The following NAA35 variants were observed in gnomAD, a reference collection of about 807,000 sequenced individuals.
NAA35 encodes N-alpha-acetyltransferase 35, NatC auxiliary subunit, also known as MAK10 homolog, amino-acid N-acetyltransferase subunit.
NAA35 carries 18 observed loss-of-function variants against 101.7 expected under a neutral mutation model. The observed-to-expected ratio is 0.18, with a 90% CI of 0.12 to 0.26. NAA35 has a LOEUF of 0.26. Among genes scored for constraint, NAA35 ranks in the 10% least tolerant of loss-of-function variants. The probability of loss-of-function intolerance (pLI) is 1.00; values close to 1 mark genes in which losing one functional copy is unlikely to be tolerated. For missense variants in NAA35, 601 were observed against 886.8 expected, an observed-to-expected ratio of 0.68 and a Z score of 4.09; for synonymous variants, 267 against 273.1, an observed-to-expected ratio of 0.98 and a Z score of 0.22.
At chr9:86,017,460 A>G in intron 18 of NAA35, 38 bp from the exon 19 acceptor site, 1 of 1,591,282 alleles carries the variant, frequency 6.3e-7, no homozygotes, top group Non-Finnish European at 8.6e-7. Flanking sequence ...GGAGGAGGAA[A>G]AGATTATGGA....
chr9:85,978,799 G>A (rs1474521117), intron 11 of NAA35, among the ~76,000 whole-genome samples: 1 of 151,934 alleles, frequency 6.6e-6, no homozygotes, highest in Admixed American at 6.6e-5. Flanking sequence ...GAATAGTTTG[G>A]CGGGCAGTGG....
chr9:85,974,066 C>T, intron 6 of NAA35, among the ~76,000 whole-genome samples: 1 of 152,102 alleles, frequency 6.6e-6, no homozygotes, highest in African/African-American at 2.4e-5. Flanking sequence ...AAGTGATTCT[C>T]CTGCCCCAGC....
intron 14 of NAA35, among the ~76,000 whole-genome samples, chr9:86,008,143 A>G (rs1276801764): frequency 1.3e-5 from 2 of 151,716 alleles, no homozygotes; most frequent in Non-Finnish European, 1.5e-5. Context: ...GCTTACTGCA[A>G]CCTCCGCCTC....
chr9:86,016,129 A>G (rs1406538356), intron 17 of NAA35, among the ~76,000 whole-genome samples: 1 of 149,114 alleles, frequency 6.7e-6, no homozygotes, highest in Non-Finnish European at 1.5e-5. Context: ...TTCATTTATT[A>G]AATAAACTCA....
chr9:86,009,411 G>A (rs1564323498), intron 14 of NAA35, among the ~76,000 whole-genome samples: 1 of 152,130 alleles, frequency 6.6e-6, no homozygotes, highest in African/African-American at 2.4e-5. Context: ...AAGAGATGAC[G>A]TGCCAAAGGG....
chr9:86,020,378 A>C lies in NAA35; in HGVS notation c.2038-511A>C, dbSNP rs528948878. ...CTGTGCTGCCTTTTCAGGACTTTGC[A>C]GCCTAATTTTTTTGTTATTCAGGAA... On this transcript the variant is annotated intron_variant, in intron 21 of 22. Transcript: ENST00000361671. Among the ~76,000 whole-genome samples, 238 of 152,288 alleles carry C rather than the reference A, an allele frequency of 1.6e-3. 1 individual carries two copies. The highest frequency in any genetic ancestry group is 2.8e-3 in the Non-Finnish European group (193 of 68,022).
chr9:85,996,311 T>G (rs1831154547), intron 11 of NAA35, 88 bp from the exon 12 acceptor site: 1 of 882,734 alleles, frequency 1.1e-6, no homozygotes. Flanking sequence ...AAAAGCTTTT[T>G]AAACTGGCAT....
chr9:86,016,202 T>A (rs1029058205), intron 17 of NAA35, among the ~76,000 whole-genome samples: 1 of 152,114 alleles, frequency 6.6e-6, no homozygotes, highest in Non-Finnish European at 1.5e-5. Flanking sequence ...GCCGATAATT[T>A]TTTATCTTTT....
intron 7 of NAA35, 29 bp downstream of exon 7, chr9:85,975,062 A>G: frequency 6.2e-7 from 1 of 1,611,820 alleles, no homozygotes; most frequent in East Asian, 2.2e-5. Context: ...TTAATTCACA[A>G]GTTTTACATT....
intron 12 of NAA35, 45 bp from the exon 13 acceptor site, chr9:86,003,540 A>G: frequency 8.4e-7 from 1 of 1,187,856 alleles, no homozygotes; most frequent in Non-Finnish European, 1.2e-6. Flanking sequence ...TTTAGCTTTT[A>G]TTTAATCTAT....
At chr9:85,953,992 A>G (rs887558986) in intron 2 of NAA35, among the ~76,000 whole-genome samples, 3 of 152,214 alleles carry the variant, frequency 2.0e-5, no homozygotes, top group African/African-American at 7.2e-5. Context: ...GAACATGAGC[A>G]TACGAGTACC....
chr9:86,006,284 C>G (rs1392169824), intron 13 of NAA35, among the ~76,000 whole-genome samples: 1 of 152,066 alleles, frequency 6.6e-6, no homozygotes, highest in Non-Finnish European at 1.5e-5. Flanking sequence ...ATAAATTAAA[C>G]ATGCAGCTCA....
intron 5 of NAA35, among the ~76,000 whole-genome samples, chr9:85,961,733 A>G (rs1245421220): frequency 6.6e-6 from 1 of 152,198 alleles, no homozygotes; most frequent in Non-Finnish European, 1.5e-5. Flanking sequence ...TTTATTGACT[A>G]CATTGTGGAG....
intron 11 of NAA35, among the ~76,000 whole-genome samples, chr9:85,987,291 A>G (rs41312180): frequency 1.2e-3 from 187 of 152,354 alleles, no homozygotes; most frequent in Non-Finnish European, 2.1e-3. Flanking sequence ...GTGTATTAAA[A>G]ATAGATTAAA....
Position 85,978,271 on chromosome 9 carries a change from G to C in NAA35, c.767G>C (p.Ser256Thr). The C allele has an allele frequency of 6.3e-7, 1 of 1,599,480 alleles. No individual in the cohort carries two copies. The highest frequency in any genetic ancestry group is 8.6e-7 in the Non-Finnish European group (1 of 1,166,820). The change falls in exon 11 of 23, where the codon AGT (serine) becomes ACT (threonine). Residue 256 changes from serine (S) to threonine (T), a missense_variant. Coordinates refer to ENST00000361671, the MANE Select transcript of NAA35 (RefSeq NM_024635.4). ...VLIAFTKKET[S>T]AVAEAQKLMV... Reference sequence around the variant, plus strand: ...TTTTGGTGATTTATTTGCTAGACCAGTGCTGTTGCAGAAGCTCAAAAATTG... The same window carrying C: ...TTTTGGTGATTTATTTGCTAGACCACTGCTGTTGCAGAAGCTCAAAAATTG...
intron 2 of NAA35, among the ~76,000 whole-genome samples, chr9:85,943,736 ATC>A (rs926026640): frequency 1.3e-5 from 2 of 152,132 alleles, no homozygotes; most frequent in African/African-American, 4.8e-5. Context: ...ATTTTAAGTA[ATC>A]TCTATTAGGG....
chr9:85,973,272 G>T (rs573213045), intron 6 of NAA35, among the ~76,000 whole-genome samples: 1 of 152,292 alleles, frequency 6.6e-6, no homozygotes, highest in South Asian at 2.1e-4. Context: ...GGTGGACTTA[G>T]GGATTTTGCT....
chr9:85,966,858 G>A (rs974277557), intron 6 of NAA35, among the ~76,000 whole-genome samples: 1 of 152,234 alleles, frequency 6.6e-6, no homozygotes, highest in Non-Finnish European at 1.5e-5. Flanking sequence ...TGTAATCCCA[G>A]CACTTTGGGA....
At chr9:85,986,325 A>G (rs917895258) in intron 11 of NAA35, 2 of 457,650 alleles carry the variant, frequency 4.4e-6, no homozygotes, top group African/African-American at 2.0e-5. Context: ...TAGTGGTGCA[A>G]ATGCTGAATA....
Sources: gnomAD v4.1 joint callset for allele counts (sites outside exome capture counted in the v4.1 genomes callset) on GRCh38, gnomAD v4.1.1 for gene constraint, MANE v1.5 for transcripts, NCBI Gene and HGNC (gene_info 2026-07-23, HGNC 2026-07-21) for gene names.